DCC: variants seen among roughly 807,000 people sequenced by gnomAD.
The protein encoded by DCC is DCC netrin 1 receptor, also known as netrin receptor DCC.
A neutral mutation model predicts 172.5 loss-of-function variants in DCC; 58 were observed. The ratio of observed to expected loss-of-function variants is 0.34; its 90% CI spans 0.27 to 0.42. The LOEUF is 0.42. Ranked by LOEUF, DCC falls within the 10% of genes least tolerant of loss-of-function variation. The pLI is 1.00. For missense variants in DCC, 1,740 were observed against 1,791.0 expected (o/e 0.97, Z 0.51); for synonymous variants, 709 against 644.5 (o/e 1.10, Z -1.52).
At chr18:52,986,540 C>G (rs1599000552) in intron 5 of DCC, among the ~76,000 whole-genome samples, 1 of 152,210 alleles carries the variant, frequency 6.6e-6, no homozygotes. Flanking sequence ...TCCTCTTCTT[C>G]TTCTCTCTTC....
intron 9 of DCC, among the ~76,000 whole-genome samples, chr18:53,184,998 G>A (rs548333898): frequency 1.3e-5 from 2 of 152,188 alleles, no homozygotes; most frequent in South Asian, 2.1e-4. Context: ...CTGTCCACTC[G>A]ACAACAATTC....
chr18:53,342,221 T>A (rs986705357), intron 15 of DCC, among the ~76,000 whole-genome samples: 4 of 152,164 alleles, frequency 2.6e-5, no homozygotes, highest in Non-Finnish European at 5.9e-5. Flanking sequence ...GGACTGGAAA[T>A]ACAAGAACAT....
At chr18:52,775,408 G>T (rs188130967) in intron 2 of DCC, among the ~76,000 whole-genome samples, 138 of 152,314 alleles carry the variant, frequency 9.1e-4, no homozygotes, top group African/African-American at 3.2e-3. Context: ...CTACCTTGTC[G>T]CAAGGACAGA....
At chr18:53,420,946 G>A (rs559766554) in intron 21 of DCC, among the ~76,000 whole-genome samples, 2 of 152,222 alleles carry the variant, frequency 1.3e-5, no homozygotes, top group East Asian at 1.9e-4. Flanking sequence ...TTTCTTTCTG[G>A]TTCCTAGAGT....
At chr18:53,354,842 T>A (rs1354590530) in intron 15 of DCC, among the ~76,000 whole-genome samples, 1 of 144,688 alleles carries the variant, frequency 6.9e-6, no homozygotes, top group African/African-American at 2.7e-5. Flanking sequence ...AGACATGAAG[T>A]CCTTGCCCAT....
chr18:52,781,130 G>A (rs1157827453), intron 2 of DCC, among the ~76,000 whole-genome samples: 2 of 152,130 alleles, frequency 1.3e-5, no homozygotes, highest in Non-Finnish European at 2.9e-5. Context: ...CTGGACAAAA[G>A]GATCTGATCT....
intron 27 of DCC, among the ~76,000 whole-genome samples, chr18:53,506,901 G>T (rs558656315): frequency 6.6e-6 from 1 of 150,456 alleles, no homozygotes; most frequent in African/African-American, 2.4e-5. Context: ...ATCAGTGGAA[G>T]TCAGTCAGAG....
chr18:53,009,237 C>G (rs978527838), intron 5 of DCC, among the ~76,000 whole-genome samples: 2 of 151,856 alleles, frequency 1.3e-5, no homozygotes, highest in African/African-American at 4.8e-5. Context: ...AGATGATATC[C>G]TATAAATGTA....
At chr18:53,310,722 A>G (rs562064376) in intron 13 of DCC, among the ~76,000 whole-genome samples, 2 of 152,170 alleles carry the variant, frequency 1.3e-5, no homozygotes, top group African/African-American at 4.8e-5. Flanking sequence ...TAGTTTATGG[A>G]CTGAAAAATT....
At chr18:53,015,422 A>T (rs185824951) in intron 5 of DCC, among the ~76,000 whole-genome samples, 1 of 152,096 alleles carries the variant, frequency 6.6e-6, no homozygotes, top group East Asian at 1.9e-4. Context: ...CTCTAGCTCA[A>T]GTTTATTGAA....
intron 27 of DCC, among the ~76,000 whole-genome samples, chr18:53,502,524 G>T (rs2046115097): frequency 6.6e-6 from 1 of 152,124 alleles, no homozygotes; most frequent in African/African-American, 2.4e-5. Context: ...ACTTAAAGAT[G>T]AAATACTTAG....
chr18:52,572,996 T>C (rs1304130568), intron 1 of DCC, among the ~76,000 whole-genome samples: 1 of 152,182 alleles, frequency 6.6e-6, no homozygotes, highest in Non-Finnish European at 1.5e-5. Flanking sequence ...CCAGAAAACC[T>C]ATTAAGCACC....
intron 1 of DCC, among the ~76,000 whole-genome samples, chr18:52,355,740 A>G (rs1022738564): frequency 6.6e-6 from 1 of 152,176 alleles, no homozygotes; most frequent in Non-Finnish European, 1.5e-5. Flanking sequence ...ATGTAAGAAA[A>G]AAAAAGGTGA....
intron 5 of DCC, among the ~76,000 whole-genome samples, chr18:52,958,113 C>A (rs946327405): frequency 6.6e-6 from 1 of 152,088 alleles, no homozygotes; most frequent in Admixed American, 6.5e-5. Context: ...AGTGAGGAAG[C>A]TTTGTTTATT....
chr18:52,909,705 C>T (rs780408799), intron 3 of DCC, among the ~76,000 whole-genome samples: 5 of 151,436 alleles, frequency 3.3e-5, no homozygotes, highest in East Asian at 1.9e-4. Context: ...TTATTCATTA[C>T]GTAAATACTT....
intron 1 of DCC, among the ~76,000 whole-genome samples, chr18:52,550,069 G>C (rs183492217): frequency 2.0e-5 from 3 of 151,838 alleles, no homozygotes; most frequent in Non-Finnish European, 2.9e-5. Flanking sequence ...ACAGCAATAG[G>C]TCATGTTGAT....
intron 2 of DCC, among the ~76,000 whole-genome samples, chr18:52,797,929 GAGGC>G (rs1490971235): frequency 2.6e-5 from 4 of 152,218 alleles, no homozygotes; most frequent in African/African-American, 9.6e-5. Context: ...AGTGGTGTGT[GAGGC>G]AGGCCTGTTC....
intron 2 of DCC, among the ~76,000 whole-genome samples, chr18:52,900,768 T>C (rs1312211414): frequency 6.6e-6 from 1 of 152,230 alleles, no homozygotes; most frequent in Non-Finnish European, 1.5e-5. Flanking sequence ...CAACACCAGG[T>C]GTTCCTGTAT....
At chr18:52,541,264 C>T (rs967187310) in intron 1 of DCC, among the ~76,000 whole-genome samples, 10 of 152,148 alleles carry the variant, frequency 6.6e-5, no homozygotes, top group African/African-American at 2.2e-4. Context: ...GTTCAAGGAC[C>T]AGATGGTCTT....
Sources: allele counts gnomAD v4.1 joint callset (sites outside exome capture counted in the v4.1 genomes callset), GRCh38; gene constraint gnomAD v4.1.1; transcripts MANE v1.5; gene names NCBI Gene and HGNC (gene_info 2026-07-23, HGNC 2026-07-21).